Variants in EPB41L4A observed in about 807,000 individuals in gnomAD.
EPB41L4A encodes erythrocyte membrane protein band 4.1 like 4A.
In EPB41L4A, 100 loss-of-function variants were observed where a neutral mutation model predicts 108.6. The observed-to-expected ratio is 0.92, with a 90% CI of 0.78 to 1.09. The LOEUF (loss-of-function observed/expected upper bound fraction) is 1.09. Among genes scored for constraint, EPB41L4A ranks in the 50% least tolerant of loss-of-function variants. The pLI is 0.00. For synonymous variants in EPB41L4A, 319 were observed against 289.0 expected (o/e 1.10, Z -1.05); for missense variants, 1,030 against 842.7 (o/e 1.22, Z -2.75).
At chr5:112,297,167 G>T (rs910733417) in intron 2 of EPB41L4A, among the ~76,000 whole-genome samples, 1 of 152,166 alleles carries the variant, frequency 6.6e-6, no homozygotes, top group Non-Finnish European at 1.5e-5. Context: ...TAGTGGGATT[G>T]CTGGATCAAA....
chr5:112,360,549 G>A (rs977271006), intron 1 of EPB41L4A, among the ~76,000 whole-genome samples: 1 of 152,264 alleles, frequency 6.6e-6, no homozygotes, highest in Non-Finnish European at 1.5e-5. Context: ...TGCCGGGATT[G>A]CAGACGGAGT....
chr5:112,325,876 T>C (rs956712289), intron 1 of EPB41L4A, among the ~76,000 whole-genome samples: 1 of 152,194 alleles, frequency 6.6e-6, no homozygotes, highest in African/African-American at 2.4e-5. Flanking sequence ...ACGGGCACAG[T>C]GGCTCATGCC....
intron 1 of EPB41L4A, among the ~76,000 whole-genome samples, chr5:112,327,222 G>C (rs1756229206): frequency 6.6e-6 from 1 of 152,040 alleles, no homozygotes; most frequent in Non-Finnish European, 1.5e-5. Context: ...TTTCTCACTA[G>C]GATGATTAGA....
intron 1 of EPB41L4A, among the ~76,000 whole-genome samples, chr5:112,357,434 G>T (rs752051253): frequency 6.6e-6 from 1 of 152,238 alleles, no homozygotes; most frequent in Non-Finnish European, 1.5e-5. Context: ...TGCAAGAGCA[G>T]ATGTCTCAGG....
At chr5:112,271,888 C>T (rs537449571) in intron 4 of EPB41L4A, among the ~76,000 whole-genome samples, 59 of 152,244 alleles carry the variant, frequency 3.9e-4, no homozygotes, top group Admixed American at 1.0e-3. Flanking sequence ...ATGTTCTACA[C>T]GGGTGGAGTT....
intron 1 of EPB41L4A, among the ~76,000 whole-genome samples, chr5:112,387,006 G>C (rs1760590028): frequency 6.6e-6 from 1 of 152,090 alleles, no homozygotes; most frequent in Admixed American, 6.5e-5. Context: ...TTGTCAGCAA[G>C]TGCTGCCACC....
intron 19 of EPB41L4A, among the ~76,000 whole-genome samples, chr5:112,170,693 A>T (rs745357700): frequency 6.6e-6 from 1 of 152,064 alleles, no homozygotes; most frequent in African/African-American, 2.4e-5. Context: ...TTTGTAAACT[A>T]TTGGCCTGTC....
At chr5:112,390,427 C>T (rs1037033431) in intron 1 of EPB41L4A, among the ~76,000 whole-genome samples, 9 of 152,192 alleles carry the variant, frequency 5.9e-5, no homozygotes, top group Admixed American at 1.3e-4. Context: ...CTCACACCCA[C>T]GGAGCCTTGC....
At chr5:112,196,206 A>G (rs1255402505) in intron 15 of EPB41L4A, among the ~76,000 whole-genome samples, 2 of 152,076 alleles carry the variant, frequency 1.3e-5, no homozygotes, top group East Asian at 1.9e-4. Flanking sequence ...ACCACTCGCC[A>G]TTTACTTTCA....
intron 2 of EPB41L4A, among the ~76,000 whole-genome samples, chr5:112,286,578 C>G (rs962717378): frequency 6.6e-5 from 10 of 152,140 alleles, no homozygotes; most frequent in Non-Finnish European, 1.3e-4. Flanking sequence ...GCATCCTGGC[C>G]CCGTCGACCA....
rs779700552 is a variant in EPB41L4A, at chr5:112,194,520, C to A, written c.1502+48G>T. The A allele has an allele frequency of 4.4e-6, 5 of 1,126,630 alleles. No individual in the cohort carries two copies. The South Asian group carries it at 7.4e-5, about 17-fold the overall frequency. 69.8% of individuals were successfully genotyped at this position (1,126,630 alleles called of 1,614,324 possible). On this transcript the variant is annotated intron_variant, in intron 17 of 22. Transcript: ENST00000261486. ...GACACTCAGTTTCTACCACCAAGGGCAGCCTCTGATTTCAGAGTGCCAGTT... is the reference window on the plus strand; with the variant it reads ...GACACTCAGTTTCTACCACCAAGGGAAGCCTCTGATTTCAGAGTGCCAGTT...
chr5:112,164,815 CAG>C lies in EPB41L4A; in HGVS notation c.*173_*174del, dbSNP rs1191997375. 5.1e-5 allele frequency: 30 copies of C among 589,084 alleles called. No individual in the cohort carries two copies. Among genetic ancestry groups the C allele is most frequent in the Non-Finnish European group, 6.2e-5 (24 of 389,954 alleles). The allele number at this position is 589,084 out of a possible 1,614,324, so 36.5% of individuals were successfully genotyped here. On this transcript the variant is annotated 3_prime_UTR_variant, in exon 23 of 23. Coordinates refer to ENST00000261486, the MANE Select transcript of EPB41L4A (RefSeq NM_022140.5). ...TGCCGCTGCACTCCAGCCTGGGCGA[CAG>C]AGTGATAACATCTCAAAAAAAAAAA... is the stretch of plus-strand genomic sequence containing the variant.
At chr5:112,357,340 G>A (rs1758418175) in intron 1 of EPB41L4A, among the ~76,000 whole-genome samples, 1 of 152,178 alleles carries the variant, frequency 6.6e-6, no homozygotes, top group Non-Finnish European at 1.5e-5. Flanking sequence ...CAAGCTATAA[G>A]GTTGGGCCTT....
At chr5:112,331,146 T>G (rs776510189) in intron 1 of EPB41L4A, among the ~76,000 whole-genome samples, 6 of 152,200 alleles carry the variant, frequency 3.9e-5, no homozygotes, top group Non-Finnish European at 5.9e-5. Context: ...TTGGAAAAGT[T>G]TCTTAACTCT....
chr5:112,281,384 G>T (rs775507358), intron 2 of EPB41L4A, among the ~76,000 whole-genome samples: 4 of 152,138 alleles, frequency 2.6e-5, no homozygotes, highest in Non-Finnish European at 4.4e-5. Flanking sequence ...CTCTAGCTTC[G>T]CCTCTCCATC....
chr5:112,147,338 C>A (rs1759296321), intron 12 of EPB41L4A, among the ~76,000 whole-genome samples: 1 of 152,126 alleles, frequency 6.6e-6, no homozygotes, highest in Non-Finnish European at 1.5e-5. Context: ...ACACATTTAG[C>A]ATAAAGATTA....
At chr5:112,149,995 T>C (rs929652398) in intron 12 of EPB41L4A, among the ~76,000 whole-genome samples, 3 of 152,030 alleles carry the variant, frequency 2.0e-5, no homozygotes, top group African/African-American at 7.3e-5. Context: ...AGTAAGTGAA[T>C]GGAAAGGAGG....
At chr5:112,313,006 A>C (rs1027152638) in intron 1 of EPB41L4A, among the ~76,000 whole-genome samples, 3 of 152,234 alleles carry the variant, frequency 2.0e-5, no homozygotes, top group African/African-American at 7.2e-5. Flanking sequence ...GGGTATTATG[A>C]AACACATGAC....
intron 1 of EPB41L4A, among the ~76,000 whole-genome samples, chr5:112,405,229 G>A (rs59627803): frequency 0.028 from 4,309 of 152,278 alleles, 86 homozygotes; most frequent in South Asian, 0.073. Context: ...AGCCCACATG[G>A]TGAGGGCCTA....
Sources: allele counts gnomAD v4.1 joint callset (sites outside exome capture counted in the v4.1 genomes callset), GRCh38; gene constraint gnomAD v4.1.1; transcripts MANE v1.5; gene names NCBI Gene and HGNC (gene_info 2026-07-23, HGNC 2026-07-21).